ZNF385D: variants seen among roughly 807,000 people sequenced by gnomAD.
ZNF385D encodes zinc finger protein 385D.
Under a neutral mutation model 35.8 loss-of-function variants are expected in ZNF385D, and 15 were observed. That is an observed-to-expected ratio of 0.42 (90% CI 0.28 to 0.64). The LOEUF (loss-of-function observed/expected upper bound fraction) is 0.64, where lower values mean the gene tolerates loss of function less well. Among genes scored for constraint, ZNF385D ranks in the 30% least tolerant of loss-of-function variants. The pLI is 0.23. For synonymous variants in ZNF385D, 212 were observed against 186.8 expected (o/e 1.13, Z -1.10); for missense variants, 474 against 494.6 (o/e 0.96, Z 0.39).
intron 3 of ZNF385D, among the ~76,000 whole-genome samples, chr3:22,097,955 G>C (rs948478792): frequency 6.6e-5 from 10 of 151,948 alleles, no homozygotes; most frequent in African/African-American, 2.4e-4. Context: ...CTTGAACAAG[G>C]ATCATACTAA....
At chr3:22,343,398 T>C (rs1695511016) in intron 2 of ZNF385D, among the ~76,000 whole-genome samples, 1 of 152,224 alleles carries the variant, frequency 6.6e-6, no homozygotes, top group Non-Finnish European at 1.5e-5. Flanking sequence ...ACAAGTGACT[T>C]CAGTTCAGCC....
At chr3:21,471,793 T>C (rs1225871056) in intron 4 of ZNF385D, among the ~76,000 whole-genome samples, 4 of 152,170 alleles carry the variant, frequency 2.6e-5, no homozygotes, top group African/African-American at 9.7e-5. Context: ...TTACAGGGTC[T>C]TTCTGAATAT....
rs527886879 is a variant in ZNF385D, at chr3:21,949,776, G to A, written c.325+219041C>T. The stretch of plus-strand genomic sequence containing the variant: ...ACGCGTCCATGTGTTCTCATTGTTC[G>A]ACTCCCACTTGTGAGTGAGAACAGG... On this transcript the variant is annotated intron_variant, in intron 3 of 5. Transcript: ENST00000494108. Among the ~76,000 whole-genome samples the A allele has an allele frequency of 2.6e-3, 397 of 151,856 alleles. 1 individual carries two copies. Among genetic ancestry groups the A allele is most frequent in the African/African-American group, 8.8e-3 (363 of 41,422 alleles).
At chr3:21,852,024 A>T (rs1011868454) in intron 3 of ZNF385D, among the ~76,000 whole-genome samples, 1 of 152,006 alleles carries the variant, frequency 6.6e-6, no homozygotes, top group African/African-American at 2.4e-5. Context: ...CAGCAAAATC[A>T]AAACTTCTTA....
intron 3 of ZNF385D, among the ~76,000 whole-genome samples, chr3:22,080,678 T>A (rs1374427806): frequency 6.6e-6 from 1 of 152,064 alleles, no homozygotes; most frequent in Non-Finnish European, 1.5e-5. Flanking sequence ...TTCTGAATGT[T>A]TTTTGTCCCC....
chr3:21,579,357 A>C (rs1032166187), intron 2 of ZNF385D: 2 of 152,184 alleles, frequency 1.3e-5, no homozygotes, highest in African/African-American at 4.8e-5. Flanking sequence ...GTTGAAAGCT[A>C]CTGTACTGTG....
intron 3 of ZNF385D, among the ~76,000 whole-genome samples, chr3:22,040,989 A>G (rs1339723135): frequency 3.9e-5 from 6 of 152,212 alleles, no homozygotes; most frequent in Middle Eastern, 6.8e-3. Flanking sequence ...TTAGTATAGA[A>G]GCAGAGAATC....
At chr3:21,918,572 G>A (rs1700305470) in intron 3 of ZNF385D, among the ~76,000 whole-genome samples, 1 of 152,132 alleles carries the variant, frequency 6.6e-6, no homozygotes, top group Admixed American at 6.5e-5. Context: ...TAATAATCAT[G>A]TCAATAGTTT....
chr3:22,015,278 A>C (rs549099985), intron 3 of ZNF385D, among the ~76,000 whole-genome samples: 1 of 152,190 alleles, frequency 6.6e-6, no homozygotes, highest in African/African-American at 2.4e-5. Flanking sequence ...ATAAATACTG[A>C]TAACAGCTAA....
chr3:21,440,941 C>A (rs1411726226), intron 4 of ZNF385D, among the ~76,000 whole-genome samples: 1 of 152,020 alleles, frequency 6.6e-6, no homozygotes, highest in East Asian at 1.9e-4. Context: ...GACATTGTAT[C>A]TCCCAATGCC....
chr3:21,812,518 G>A (rs1375214935), intron 3 of ZNF385D, among the ~76,000 whole-genome samples: 1 of 152,244 alleles, frequency 6.6e-6, no homozygotes, highest in Admixed American at 6.5e-5. Flanking sequence ...TTTTCCAACA[G>A]TCTTAGCAAA....
chr3:21,479,558 G>A (rs1373945657), intron 4 of ZNF385D, among the ~76,000 whole-genome samples: 2 of 152,076 alleles, frequency 1.3e-5, no homozygotes, highest in Admixed American at 1.3e-4. Flanking sequence ...GTATGGCAAA[G>A]GTATTTAAGG....
intron 3 of ZNF385D, among the ~76,000 whole-genome samples, chr3:21,805,168 G>C (rs11716091): frequency 0.083 from 12,636 of 152,264 alleles, 579 homozygotes; most frequent in Non-Finnish European, 0.099. Context: ...AACAGTACTA[G>C]ATGCAGTTAA....
chr3:22,196,373 ATAGAAG>A (rs1167638533), intron 2 of ZNF385D, among the ~76,000 whole-genome samples: 1 of 152,078 alleles, frequency 6.6e-6, no homozygotes, highest in Non-Finnish European at 1.5e-5. Context: ...TTTTGCAACA[ATAGAAG>A]TAGGATTGTC....
intron 2 of ZNF385D, among the ~76,000 whole-genome samples, chr3:22,257,862 G>T (rs980255203): frequency 6.6e-6 from 1 of 151,734 alleles, no homozygotes; most frequent in African/African-American, 2.4e-5. Context: ...ACACAATTTT[G>T]TATCAAGTTA....
intron 3 of ZNF385D, among the ~76,000 whole-genome samples, chr3:21,978,854 A>G (rs906108038): frequency 3.9e-5 from 6 of 152,212 alleles, no homozygotes; most frequent in African/African-American, 1.2e-4. Flanking sequence ...TTGACTGTAT[A>G]AAAATATTCA....
intron 3 of ZNF385D, among the ~76,000 whole-genome samples, chr3:22,113,795 A>G (rs916132887): frequency 6.6e-6 from 1 of 152,070 alleles, no homozygotes; most frequent in Admixed American, 6.6e-5. Flanking sequence ...CTCTTCTGCT[A>G]AAGGAAGTTG....
intron 2 of ZNF385D, among the ~76,000 whole-genome samples, chr3:21,661,480 C>T (rs189509459): frequency 1.3e-5 from 2 of 152,170 alleles, no homozygotes; most frequent in Non-Finnish European, 2.9e-5. Context: ...TAAGCTCAAA[C>T]CCCTTTCTAA....
At position 21,465,039 on chromosome 3, in the gene ZNF385D, C is replaced by T. The variant is rs563884118; in HGVS notation, c.440-27836G>A. Among the ~76,000 whole-genome samples, 2 of 152,242 alleles carry T rather than the reference C, an allele frequency of 1.3e-5. No individual in the cohort carries two copies. Among genetic ancestry groups the T allele is most frequent in the South Asian group, 4.1e-4 (2 of 4,824 alleles). The stretch of plus-strand genomic sequence containing the variant: ...CTATAAATTTCTTTCTCATTAAATA[C>T]TTTGTCATTTTTACAGAAAGATTTC... On this transcript the variant is annotated intron_variant, in intron 4 of 7. Coordinates refer to ENST00000281523, the MANE Select transcript of ZNF385D (RefSeq NM_024697.3). The surrounding 1 kb of genome is among the most constrained non-coding windows in gnomAD (Gnocchi z 4.2).
Sources: allele counts gnomAD v4.1 joint callset (sites outside exome capture counted in the v4.1 genomes callset), GRCh38; gene constraint gnomAD v4.1.1; non-coding constraint Gnocchi (gnomAD v3.1); transcripts MANE v1.5; gene names NCBI Gene and HGNC (gene_info 2026-07-23, HGNC 2026-07-21).